CHST15: variants seen among roughly 807,000 people sequenced by gnomAD.
The protein encoded by CHST15 is B cell RAG associated protein (GALNAC4S-6ST).
A neutral mutation model predicts 53.6 loss-of-function variants in CHST15; 30 were observed. The observed-to-expected ratio is 0.56, with a 90% CI of 0.42 to 0.76. CHST15 has a LOEUF of 0.76. Ranked by LOEUF, CHST15 falls within the 30% of genes least tolerant of loss-of-function variation. The probability of loss-of-function intolerance (pLI) is 0.00; values close to 1 mark genes in which losing one functional copy is unlikely to be tolerated. For missense variants in CHST15, 627 were observed against 740.5 expected (o/e 0.85, Z 1.78); for synonymous variants, 296 against 289.8 (o/e 1.02, Z -0.22).
At chr10:124,027,948 T>C (rs1458606118) in intron 5 of CHST15, among the ~76,000 whole-genome samples, 1 of 152,238 alleles carries the variant, frequency 6.6e-6, no homozygotes, top group Admixed American at 6.5e-5. Flanking sequence ...TCTGCACTGA[T>C]AGTTTTCGGG....
chr10:124,028,470 C>T (rs1032572446), intron 5 of CHST15, among the ~76,000 whole-genome samples: 7 of 152,186 alleles, frequency 4.6e-5, no homozygotes, highest in Non-Finnish European at 4.4e-5. Flanking sequence ...GAGAAATGAT[C>T]CACGTACCGT....
intron 1 of CHST15, among the ~76,000 whole-genome samples, chr10:124,078,464 A>G (rs2134198889): frequency 6.6e-6 from 1 of 152,368 alleles, no homozygotes; most frequent in Non-Finnish European, 1.5e-5. Flanking sequence ...GGTTTCCATT[A>G]TCAGAACTCC....
At chr10:124,034,068 C>T (rs537131722) in intron 5 of CHST15, among the ~76,000 whole-genome samples, 2 of 152,344 alleles carry the variant, frequency 1.3e-5, no homozygotes, top group South Asian at 2.1e-4. Context: ...CCGCCGCCCA[C>T]TTCTCTGATA....
chr10:124,057,989 A>G (rs1004978760), intron 1 of CHST15, among the ~76,000 whole-genome samples: 2 of 152,168 alleles, frequency 1.3e-5, no homozygotes, highest in African/African-American at 2.4e-5. Flanking sequence ...AATGATTTCA[A>G]TGTGCACAAA....
intron 1 of CHST15, among the ~76,000 whole-genome samples, chr10:124,090,660 CA>C: frequency 1.3e-5 from 2 of 152,308 alleles, no homozygotes; most frequent in Admixed American, 1.3e-4. Flanking sequence ...TTTTCCTGGC[CA>C]GGGGCAGCAG....
chr10:124,018,378 C>T (rs551002568), intron 6 of CHST15, among the ~76,000 whole-genome samples: 1 of 152,348 alleles, frequency 6.6e-6, no homozygotes, highest in South Asian at 2.1e-4. Context: ...CCTCTCTTTG[C>T]TTTGCATTTA....
rs1020127782 is a variant in CHST15, at chr10:124,024,603, T to G, written c.1191-3191A>C. Reference sequence around the variant, plus strand: ...GAATATTCCCCAAGACAACACCACATCAGCTTATTACTGGTGTCCCCAACA... The same window carrying G: ...GAATATTCCCCAAGACAACACCACAGCAGCTTATTACTGGTGTCCCCAACA... On this transcript the variant is annotated intron_variant, in intron 5 of 7. Coordinates refer to ENST00000435907, the MANE Select transcript of CHST15 (RefSeq NM_001270764.2). The surrounding 1 kb of genome is among the most constrained non-coding windows in gnomAD (Gnocchi z 4.0). Among the ~76,000 whole-genome samples, 3 of 152,136 alleles carry G rather than the reference T, an allele frequency of 2.0e-5. No individual in the cohort carries two copies. The highest frequency in any genetic ancestry group is 7.2e-5 in the African/African-American group (3 of 41,446).
At chr10:124,068,138 G>C (rs1003885537) in intron 1 of CHST15, among the ~76,000 whole-genome samples, 2 of 152,210 alleles carry the variant, frequency 1.3e-5, no homozygotes, top group East Asian at 1.9e-4. Context: ...TCACCTGCTC[G>C]GGGGGTCAGA....
chr10:124,092,088 C>T (rs1949618927), intron 1 of CHST15, among the ~76,000 whole-genome samples: 1 of 151,534 alleles, frequency 6.6e-6, no homozygotes, highest in Non-Finnish European at 1.5e-5. Context: ...ATTCATTTTC[C>T]CAAAGGCAAG....
chr10:124,011,712 G>C lies in CHST15; in HGVS notation c.1495+621C>G, dbSNP rs1046956928. ...ACAAAGTGACTCTCAGGCCCCTGGG[G>C]GGGCTGGTATCCACAGGCTGAGGGC... On this transcript the variant is annotated intron_variant, in intron 7 of 7. Coordinates refer to ENST00000435907, the MANE Select transcript of CHST15 (RefSeq NM_001270764.2). 4.1e-6 allele frequency: 4 copies of C among 985,262 alleles called. No homozygotes were observed. The Admixed American group carries it at 2.5e-4, about 61-fold the overall frequency. 61.0% of individuals were successfully genotyped at this position (985,262 alleles called of 1,614,324 possible).
chr10:124,010,372 G>A (rs1183631110), intron 7 of CHST15, 33 bp from the exon 8 acceptor site: 1 of 1,521,564 alleles, frequency 6.6e-7, no homozygotes, highest in Non-Finnish European at 8.8e-7. Context: ...CCGTAAGGCA[G>A]GAGGCATGGC....
chr10:124,050,123 T>G (rs950799489), intron 1 of CHST15, among the ~76,000 whole-genome samples: 1 of 152,204 alleles, frequency 6.6e-6, no homozygotes, highest in African/African-American at 2.4e-5. Flanking sequence ...CACTGTATAG[T>G]ATGTCAAATA....
In CHST15 at chr10:124,050,036, G is replaced by T. The variant is rs1329078424; in HGVS notation, c.-512-3312C>A. The stretch of plus-strand genomic sequence containing the variant: ...GGAAAATACCCCTGGGCTGCGGTGG[G>T]CGTGGGGGTGGGGGCCTCTCTGAGA... On this transcript the variant is annotated intron_variant, in intron 1 of 7. Transcript: ENST00000435907. Among the ~76,000 whole-genome samples the T allele has an allele frequency of 3.3e-5, 5 of 152,020 alleles. No individual in the cohort carries two copies. The South Asian group carries it at 8.3e-4, about 25-fold the overall frequency.
At chr10:124,068,233 A>G (rs558547241) in intron 1 of CHST15, among the ~76,000 whole-genome samples, 1 of 152,300 alleles carries the variant, frequency 6.6e-6, no homozygotes, top group Non-Finnish European at 1.5e-5. Flanking sequence ...GGCAGTTACC[A>G]GGACATGGGT....
intron 2 of CHST15, among the ~76,000 whole-genome samples, chr10:124,045,121 A>AAAAAAAAAAAAAAAAAAAAAC (rs1947926127): frequency 1.1e-5 from 1 of 87,462 alleles, no homozygotes; most frequent in Non-Finnish European, 2.0e-5. Flanking sequence ...ACAAAAAAAA[A>AAAAAAAAAAAAAAAAAAAAAC]AAAAAAAAAA....
At chr10:124,086,690 T>G (rs762411405) in intron 1 of CHST15, among the ~76,000 whole-genome samples, 7 of 149,368 alleles carry the variant, frequency 4.7e-5, no homozygotes, top group Non-Finnish European at 1.0e-4. Flanking sequence ...TCCTCCTCTA[T>G]CTCTCCATAG....
intron 6 of CHST15, among the ~76,000 whole-genome samples, chr10:124,015,361 G>A (rs1242835029): frequency 2.8e-5 from 4 of 144,992 alleles, no homozygotes; most frequent in Non-Finnish European, 4.6e-5. Context: ...CGTGCCAGCT[G>A]ATTCACCAAT....
Position 124,016,969 on chromosome 10 carries a change from C to T in CHST15, c.1347+4287G>A, listed in dbSNP as rs369742380. ...CCAGTTCACAGTCGGAGTGCTGACC[C>T]GCAGCAGGAGGGCAGGGGCACACCC... On this transcript the variant is annotated intron_variant, in intron 6 of 7. Coordinates refer to ENST00000435907, the MANE Select transcript of CHST15 (RefSeq NM_001270764.2). 1.8e-4 allele frequency among the ~76,000 whole-genome samples: 28 copies of T among 152,236 alleles called. 1 individual carries two copies. The East Asian group carries it at 5.2e-3, about 28-fold the overall frequency.
chr10:124,021,114 G>A (rs1946762053), intron 6 of CHST15, 142 bp downstream of exon 6: 3 of 1,506,134 alleles, frequency 2.0e-6, no homozygotes, highest in East Asian at 2.5e-5. Context: ...ATGAATAATG[G>A]GGAACAGCAT....
Sources: allele counts gnomAD v4.1 joint callset (sites outside exome capture counted in the v4.1 genomes callset), GRCh38; gene constraint gnomAD v4.1.1; non-coding constraint Gnocchi (gnomAD v3.1); transcripts MANE v1.5; gene names NCBI Gene and HGNC (gene_info 2026-07-23, HGNC 2026-07-21).